Variants in SEC23IP observed in about 807,000 individuals in gnomAD.
The protein encoded by SEC23IP is SEC23 interacting protein.
SEC23IP carries 70 observed loss-of-function variants against 113.4 expected under a neutral mutation model. The ratio of observed to expected loss-of-function variants is 0.62; its 90% confidence interval spans 0.51 to 0.75. The LOEUF is 0.75. Ranked by LOEUF, SEC23IP falls within the 30% of genes least tolerant of loss-of-function variation. The pLI, the probability that SEC23IP is intolerant of heterozygous loss-of-function variation, is 0.00. For missense variants in SEC23IP, 1,160 were observed against 1,204.9 expected, an observed-to-expected ratio of 0.96 and a Z score of 0.55; for synonymous variants, 398 against 421.0, an observed-to-expected ratio of 0.95 and a Z score of 0.67.
chr10:119,907,226 G>A (rs1192414782), intron 4 of SEC23IP, among the ~76,000 whole-genome samples: 1 of 151,788 alleles, frequency 6.6e-6, no homozygotes, highest in Non-Finnish European at 1.5e-5. Context: ...AACCTGGGAG[G>A]CGGAGGTTGC....
chr10:119,922,492 G>A (rs1855281073), intron 12 of SEC23IP, among the ~76,000 whole-genome samples: 1 of 152,216 alleles, frequency 6.6e-6, no homozygotes, highest in Non-Finnish European at 1.5e-5. Flanking sequence ...AATCATCTGT[G>A]TAGTCTAAAT....
intron 18 of SEC23IP, among the ~76,000 whole-genome samples, chr10:119,937,987 T>C (rs1030725032): frequency 6.6e-6 from 1 of 152,152 alleles, no homozygotes; most frequent in Non-Finnish European, 1.5e-5. Context: ...TTTTAACATA[T>C]TTAAATTTGT....
At chr10:119,918,629 T>TG in intron 10 of SEC23IP, 118 bp downstream of exon 10, 3 of 739,344 alleles carry the variant, frequency 4.1e-6, no homozygotes, top group Non-Finnish European at 4.7e-6. Context: ...TTTGTTTGTT[T>TG]TAACTGAGCC....
At chr10:119,902,582 G>A (rs751102738) in intron 2 of SEC23IP, among the ~76,000 whole-genome samples, 2 of 152,078 alleles carry the variant, frequency 1.3e-5, no homozygotes, top group Non-Finnish European at 2.9e-5. Flanking sequence ...CAGGATAAAT[G>A]GGGTATAGAT....
intron 13 of SEC23IP, 114 bp from the exon 14 acceptor site, chr10:119,929,493 C>T: frequency 1.2e-6 from 1 of 822,570 alleles, no homozygotes; most frequent in Non-Finnish European, 2.0e-6. Flanking sequence ...CTTGGCCTCC[C>T]AAAGTGCTGG....
intron 2 of SEC23IP, among the ~76,000 whole-genome samples, chr10:119,900,146 C>T (rs1854428166): frequency 6.6e-6 from 1 of 151,914 alleles, no homozygotes; most frequent in Admixed American, 6.6e-5. Context: ...TCCTGGTGTA[C>T]ATTTGCTAAG....
At chr10:119,903,763 G>A (rs1186887136) in intron 3 of SEC23IP, among the ~76,000 whole-genome samples, 1 of 152,164 alleles carries the variant, frequency 6.6e-6, no homozygotes, top group Non-Finnish European at 1.5e-5. Context: ...TCACTCTGCT[G>A]CCCAGGCTGG....
chr10:119,911,904 GT>G (rs1006401041), intron 5 of SEC23IP, 139 bp from the exon 6 acceptor site: 1 of 982,044 alleles, frequency 1.0e-6, no homozygotes, highest in Non-Finnish European at 1.5e-6. Flanking sequence ...CTCCTTCAAA[GT>G]TTGTTTTGGG....
intron 3 of SEC23IP, 98 bp downstream of exon 3, chr10:119,903,107 A>C (rs1854551895): frequency 3.0e-6 from 3 of 997,824 alleles, no homozygotes; most frequent in Non-Finnish European, 4.5e-6. Flanking sequence ...CAAATACCTT[A>C]ATCCTTATAG....
chr10:119,920,845 C>G (rs1855230600), intron 11 of SEC23IP, 44 bp from the exon 12 acceptor site: 1 of 1,275,516 alleles, frequency 7.8e-7, no homozygotes, highest in Non-Finnish European at 1.1e-6. Context: ...TTCAGTTCTT[C>G]TATCACTAGA....
intron 1 of SEC23IP, among the ~76,000 whole-genome samples, chr10:119,894,894 G>C (rs1264628199): frequency 1.4e-4 from 3 of 21,106 alleles, no homozygotes; most frequent in Non-Finnish European, 2.5e-4. Flanking sequence ...GAGACAGTCT[G>C]TGTGTGTGTG....
chr10:119,934,943 C>T (rs1855724420), intron 18 of SEC23IP, among the ~76,000 whole-genome samples: 1 of 152,168 alleles, frequency 6.6e-6, no homozygotes, highest in Admixed American at 6.5e-5. Flanking sequence ...TCGAGACCAG[C>T]CTGGCCAACA....
At chr10:119,930,226 C>A in intron 14 of SEC23IP, 103 bp from the exon 15 acceptor site, 2 of 551,278 alleles carry the variant, frequency 3.6e-6, no homozygotes, top group Non-Finnish European at 6.4e-6. Context: ...AAATAAAAAT[C>A]TCTGATTTGC....
intron 12 of SEC23IP, 63 bp downstream of exon 12, chr10:119,921,047 A>G (rs994677672): frequency 1.7e-5 from 21 of 1,238,742 alleles, no homozygotes; most frequent in Non-Finnish European, 2.4e-5. Flanking sequence ...CGTTTATATT[A>G]TAGAAAATTT....
At chr10:119,935,562 C>T (rs559448671) in intron 18 of SEC23IP, among the ~76,000 whole-genome samples, 6 of 152,268 alleles carry the variant, frequency 3.9e-5, no homozygotes, top group South Asian at 2.1e-4. Flanking sequence ...TCCATCTGTC[C>T]GCCCATCCGT....
At position 119,913,830 on chromosome 10, in the gene SEC23IP, G is replaced by C. The variant is rs146709022; in HGVS notation, c.1313-900G>C. Among the ~76,000 whole-genome samples the C allele has an allele frequency of 2.8e-3, 418 of 151,782 alleles. 2 individuals are homozygous for C. Among genetic ancestry groups the C allele is most frequent in the African/African-American group, 8.9e-3 (368 of 41,430 alleles). The stretch of plus-strand genomic sequence containing the variant: ...GTTATTTTTATGTTTTTCCTTGAAT[G>C]GTTTCCCCTTCGTCAAAAACTTTAT... On this transcript the variant is annotated intron_variant, in intron 6 of 18. Transcript: ENST00000369075.
intron 1 of SEC23IP, among the ~76,000 whole-genome samples, chr10:119,897,469 G>A (rs992452698): frequency 1.7e-4 from 26 of 152,134 alleles, no homozygotes; most frequent in Admixed American, 1.4e-3. Context: ...GTAATGATAA[G>A]TCTGTGATAG....
rs1855658905 is a variant in SEC23IP at position 119,933,100 on chromosome 10, C to T, written c.2854C>T (p.Leu952Phe). ...TGGAGGCCGCCGAATTGACTACGTT[C>T]TCCAAGAAAAACCAATAGAGAGTTT... ...LNGGRRIDYV[L>F]QEKPIESFNE... The change falls in exon 17 of 19, where the codon CTC becomes TTC. Residue 952 changes from leucine (L) to phenylalanine (F), a missense_variant. Physicochemically the swap from Leu to Phe is conservative, Grantham distance 22 (BLOSUM62 0). Coordinates refer to ENST00000369075, the MANE Select transcript of SEC23IP (RefSeq NM_007190.4). 7 of 1,613,940 alleles carry T rather than the reference C, an allele frequency of 4.3e-6. No homozygotes were observed. Among genetic ancestry groups the T allele is most frequent in the Non-Finnish European group, 5.9e-6 (7 of 1,179,804 alleles).
chr10:119,903,003 A>G lies in SEC23IP; in HGVS notation c.901A>G (p.Asn301Asp), dbSNP rs1854548585. The change falls in exon 3 of 19, where the codon AAT becomes GAT. Residue 301 changes from asparagine (N) to aspartate (D), a missense_variant. Asn to Asp is a conservative substitution (Grantham distance 23, BLOSUM62 1). Coordinates refer to ENST00000369075, the MANE Select transcript of SEC23IP (RefSeq NM_007190.4). ...CTCTTTGAATCTTGAAGAAATCTAT[A>G]ATTCAGGTAAACATTGGTCATACAT... ...FDSLNLEEIY[N>D]SVQPDPESVV... 1 of 1,611,850 alleles carries G rather than the reference A, an allele frequency of 6.2e-7. No homozygotes were observed. The highest frequency in any genetic ancestry group is 1.3e-5 in the African/African-American group (1 of 74,868).
Sources: allele counts gnomAD v4.1 joint callset (sites outside exome capture counted in the v4.1 genomes callset), GRCh38; gene constraint gnomAD v4.1.1; transcripts MANE v1.5; gene names NCBI Gene and HGNC (gene_info 2026-07-23, HGNC 2026-07-21).